The following SORCS2 variants were observed in gnomAD, a reference collection of about 807,000 sequenced individuals.
The protein encoded by SORCS2 is sortilin related VPS10 domain containing receptor 2.
A neutral mutation model predicts 141.6 loss-of-function variants in SORCS2; 100 were observed. The observed-to-expected ratio is 0.71, with a 90% CI of 0.60 to 0.83. The LOEUF (loss-of-function observed/expected upper bound fraction) is 0.83. Ranked by LOEUF, SORCS2 falls within the 40% of genes least tolerant of loss-of-function variation. The pLI, the probability that SORCS2 is intolerant of heterozygous loss-of-function variation, is 0.00. For missense variants in SORCS2, 1,646 were observed against 1,560.2 expected (o/e 1.05, Z -0.93); for synonymous variants, 789 against 676.9 (o/e 1.17, Z -2.57).
At chr4:7,561,765 A>G (rs955766660) in intron 3 of SORCS2, among the ~76,000 whole-genome samples, 3 of 151,486 alleles carry the variant, frequency 2.0e-5, no homozygotes, top group Non-Finnish European at 4.4e-5. Flanking sequence ...CTCTCCCTCA[A>G]TCCATCTGTC....
At chr4:7,676,024 C>A in intron 8 of SORCS2, 26 bp from the exon 9 acceptor site, 1 of 1,560,292 alleles carries the variant, frequency 6.4e-7, no homozygotes, top group Non-Finnish European at 8.7e-7. Flanking sequence ...TGGCTCTGAC[C>A]CTGTGCTCCC....
At chr4:7,418,563 G>A (rs1371028316) in intron 2 of SORCS2, among the ~76,000 whole-genome samples, 1 of 152,150 alleles carries the variant, frequency 6.6e-6, no homozygotes, top group Non-Finnish European at 1.5e-5. Flanking sequence ...ACTCCACGAG[G>A]ACCCTTATAA....
intron 1 of SORCS2, among the ~76,000 whole-genome samples, chr4:7,245,960 G>A (rs1421032850): frequency 6.6e-6 from 1 of 152,184 alleles, no homozygotes; most frequent in African/African-American, 2.4e-5. Flanking sequence ...GACTGGCGGC[G>A]TTTGGTACCC....
At position 7,682,778 on chromosome 4, in the gene SORCS2, A is replaced by G. The variant is rs201514131; in HGVS notation, c.1377A>G (p.Gln459=). The G allele has an allele frequency of 5.6e-6, 9 of 1,612,236 alleles. No homozygotes were observed. The highest frequency in any genetic ancestry group is 6.8e-6 in the Non-Finnish European group (8 of 1,179,176). The change falls in exon 10 of 27, where the codon CAA becomes CAG. Residue 459 remains glutamine (Q), a synonymous_variant. Coordinates refer to ENST00000507866, the MANE Select transcript of SORCS2 (RefSeq NM_020777.3). ...TGAAAGGAGTCTTCCTGGCAAACCA[A>G]AAAATTGATGGGAAAGTGATGACGC... The part of the protein sequence containing the change: ...RGVKGVFLAN[Q]KIDGKVMTLI...
chr4:7,192,559 G>A lies in SORCS2; in HGVS notation c.-88G>A. The A allele has an allele frequency of 1.0e-6, 1 of 974,442 alleles. No homozygotes were observed. Among genetic ancestry groups the A allele is most frequent in the Non-Finnish European group, 1.2e-6 (1 of 820,456 alleles). 60.4% of individuals were successfully genotyped at this position (974,442 alleles called of 1,614,324 possible). ...GGCTCCTTTCTCTGCGCTCTCGCTCGCGCTCCCCAGCGCCCTCCTGCTCTC... is the reference window on the plus strand; with the variant it reads ...GGCTCCTTTCTCTGCGCTCTCGCTCACGCTCCCCAGCGCCCTCCTGCTCTC... On this transcript the variant is annotated 5_prime_UTR_variant, in exon 1 of 27. Transcript: ENST00000507866. The surrounding 1 kb of genome is among the most constrained non-coding windows in gnomAD (Gnocchi z 4.0).
rs899855108 is a variant in SORCS2 at position 7,740,951 on chromosome 4, G to T, written c.*687G>T. 2.5e-6 allele frequency: 1 copy of T among 398,208 alleles called. No homozygotes were observed. The highest frequency in any genetic ancestry group is 1.4e-4 in the South Asian group (1 of 7,200). 24.7% of individuals were successfully genotyped at this position (398,208 alleles called of 1,614,324 possible). On this transcript the variant is annotated 3_prime_UTR_variant, in exon 27 of 27. Coordinates refer to ENST00000507866, the MANE Select transcript of SORCS2 (RefSeq NM_020777.3). ...GAGCCCCTTTCCCTGAGTGCCCAGG[G>T]TGTCTCCTCTGCCCAGAGGGGCAGC... is the stretch of plus-strand genomic sequence containing the variant.
Position 7,610,280 on chromosome 4 carries a change from G to A in SORCS2, c.649-28048G>A, listed in dbSNP as rs79101642. ...CCTGCCACATGTGTCCTCTCCACAC[G>A]TGAGATGCTGGTGTCAAGTTGCCAG... On this transcript the variant is annotated intron_variant, in intron 3 of 26. Coordinates refer to ENST00000507866, the MANE Select transcript of SORCS2 (RefSeq NM_020777.3). Among the ~76,000 whole-genome samples, 948 of 152,320 alleles carry A rather than the reference G, an allele frequency of 6.2e-3. 14 individuals carry two copies. The highest frequency in any genetic ancestry group is 0.022 in the African/African-American group (905 of 41,574).
intron 3 of SORCS2, among the ~76,000 whole-genome samples, chr4:7,602,245 CA>C (rs1409513741): frequency 8.1e-5 from 12 of 148,496 alleles, no homozygotes; most frequent in Non-Finnish European, 1.5e-4. Flanking sequence ...ACGGGGTGGC[CA>C]GGCAGAGGCG....
chr4:7,562,482 G>A (rs1035342608), intron 3 of SORCS2, among the ~76,000 whole-genome samples: 4 of 152,148 alleles, frequency 2.6e-5, no homozygotes, highest in African/African-American at 9.7e-5. Flanking sequence ...AACAGGGGTT[G>A]GCAAACGTTT....
At chr4:7,242,211 T>C (rs1007831436) in intron 1 of SORCS2, among the ~76,000 whole-genome samples, 10 of 152,116 alleles carry the variant, frequency 6.6e-5, no homozygotes, top group African/African-American at 2.4e-4. Context: ...TCTTCTTCTT[T>C]TTTTAAAAGA....
intron 2 of SORCS2, among the ~76,000 whole-genome samples, chr4:7,476,607 G>C (rs1730308320): frequency 1.3e-5 from 2 of 152,126 alleles, no homozygotes; most frequent in Admixed American, 1.3e-4. Context: ...ACCTTTTCCT[G>C]ATGAAAAGCC....
At chr4:7,453,498 A>G (rs1366833585) in intron 2 of SORCS2, among the ~76,000 whole-genome samples, 6 of 112,820 alleles carry the variant, frequency 5.3e-5, no homozygotes, top group African/African-American at 1.8e-4. Flanking sequence ...GTCAGGCTCC[A>G]TGTTAGTGTC....
chr4:7,727,412 C>T (rs2148888018), intron 21 of SORCS2, among the ~76,000 whole-genome samples: 1 of 123,762 alleles, frequency 8.1e-6, no homozygotes, highest in Non-Finnish European at 1.7e-5. Flanking sequence ...CCAACTGGTC[C>T]TAAGACTGAA....
At chr4:7,434,404 A>G (rs1727136869) in intron 2 of SORCS2, 1 of 1,608,198 alleles carries the variant, frequency 6.2e-7, no homozygotes, top group South Asian at 1.1e-5. Flanking sequence ...CACAGCCTCA[A>G]AGGTGTCCTC....
At chr4:7,309,449 C>G (rs1046235012) in intron 1 of SORCS2, among the ~76,000 whole-genome samples, 2 of 152,102 alleles carry the variant, frequency 1.3e-5, no homozygotes, top group African/African-American at 4.8e-5. Context: ...GAGGCAGGTC[C>G]CGATCAAAAG....
intron 1 of SORCS2, among the ~76,000 whole-genome samples, chr4:7,299,996 T>G (rs1356646955): frequency 6.6e-6 from 1 of 152,164 alleles, no homozygotes; most frequent in Non-Finnish European, 1.5e-5. Context: ...GAGTCAGGGC[T>G]TGGTCAAAGC....
intron 2 of SORCS2, among the ~76,000 whole-genome samples, chr4:7,523,038 C>T (rs1386142403): frequency 6.7e-6 from 1 of 149,022 alleles, no homozygotes; most frequent in East Asian, 2.0e-4. Flanking sequence ...CTCTTCCCTC[C>T]CTCCTCCCTC....
intron 2 of SORCS2, among the ~76,000 whole-genome samples, chr4:7,417,205 G>A (rs913876360): frequency 5.3e-5 from 8 of 152,300 alleles, no homozygotes; most frequent in Admixed American, 2.0e-4. Context: ...TTATGCCGGC[G>A]GCCGAGTGGC....
chr4:7,638,579 G>A (rs1387367555), intron 4 of SORCS2, 87 bp downstream of exon 4: 1 of 1,411,902 alleles, frequency 7.1e-7, no homozygotes, highest in East Asian at 2.6e-5. Context: ...TGGAGCAAGT[G>A]GGACCCGGAA....
Sources: gnomAD v4.1 joint callset for allele counts (sites outside exome capture counted in the v4.1 genomes callset) on GRCh38, gnomAD v4.1.1 for gene constraint, Gnocchi (gnomAD v3.1) non-coding constraint, MANE v1.5 for transcripts, NCBI Gene and HGNC (gene_info 2026-07-23, HGNC 2026-07-21) for gene names.